Variants in SHROOM3 observed in about 807,000 individuals in gnomAD.
SHROOM3 encodes shroom family member 3.
In SHROOM3, 47 loss-of-function variants were observed where a neutral mutation model predicts 138.6. That is an observed-to-expected ratio of 0.34 (90% CI 0.27 to 0.43). The LOEUF (loss-of-function observed/expected upper bound fraction) is 0.43. Among genes scored for constraint, SHROOM3 ranks in the 20% least tolerant of loss-of-function variants. The pLI, the probability that SHROOM3 is intolerant of heterozygous loss-of-function variation, is 1.00. For synonymous variants in SHROOM3, 1,062 were observed against 1,063.3 expected, an observed-to-expected ratio of 1.00 and a Z score of 0.02; for missense variants, 2,491 against 2,596.5, an observed-to-expected ratio of 0.96 and a Z score of 0.88.
At chr4:76,438,812 A>G (rs1730612231) in intron 1 of SHROOM3, among the ~76,000 whole-genome samples, 1 of 151,944 alleles carries the variant, frequency 6.6e-6, no homozygotes, top group South Asian at 2.1e-4. Flanking sequence ...TGTTGAGTAT[A>G]TGAAAGGGCA....
intron 2 of SHROOM3, among the ~76,000 whole-genome samples, chr4:76,605,531 G>A (rs1403020054): frequency 1.3e-5 from 2 of 152,036 alleles, no homozygotes; most frequent in Non-Finnish European, 2.9e-5. Context: ...ACTTGGGTAA[G>A]CAGAAATTAA....
intron 1 of SHROOM3, among the ~76,000 whole-genome samples, chr4:76,526,642 A>T (rs1732696700): frequency 6.6e-6 from 1 of 152,192 alleles, no homozygotes; most frequent in South Asian, 2.1e-4. Context: ...TCCCTAACGT[A>T]CTGAGAGTCT....
intron 2 of SHROOM3, among the ~76,000 whole-genome samples, chr4:76,663,999 A>G (rs114860388): frequency 1.0e-3 from 152 of 152,302 alleles, no homozygotes; most frequent in African/African-American, 3.5e-3. Flanking sequence ...ACAATTTCTT[A>G]TCTGGCCTAT....
intron 2 of SHROOM3, among the ~76,000 whole-genome samples, chr4:76,636,999 T>C (rs959798433): frequency 6.6e-6 from 1 of 152,234 alleles, no homozygotes; most frequent in African/African-American, 2.4e-5. Flanking sequence ...AAATACATCA[T>C]AGGAATTTAA....
At chr4:76,624,318 G>C (rs1278249237) in intron 2 of SHROOM3, among the ~76,000 whole-genome samples, 1 of 152,136 alleles carries the variant, frequency 6.6e-6, no homozygotes, top group Non-Finnish European at 1.5e-5. Context: ...TCTGGATGCT[G>C]TGTCTGCTCT....
At chr4:76,518,192 C>A (rs1732482270) in intron 1 of SHROOM3, among the ~76,000 whole-genome samples, 1 of 152,032 alleles carries the variant, frequency 6.6e-6, no homozygotes, top group African/African-American at 2.4e-5. Flanking sequence ...CAAATTATCT[C>A]AACTTCTGAT....
At chr4:76,700,295 C>T (rs1330915183) in intron 2 of SHROOM3, among the ~76,000 whole-genome samples, 1 of 152,124 alleles carries the variant, frequency 6.6e-6, no homozygotes, top group Non-Finnish European at 1.5e-5. Context: ...CAGAAAGTCA[C>T]CTGCCTTCAA....
At chr4:76,602,041 T>G (rs1425120887) in intron 2 of SHROOM3, among the ~76,000 whole-genome samples, 1 of 152,210 alleles carries the variant, frequency 6.6e-6, no homozygotes, top group East Asian at 1.9e-4. Context: ...CGAAGTTGGT[T>G]GAGGAAATGC....
intron 6 of SHROOM3, among the ~76,000 whole-genome samples, chr4:76,750,021 T>C (rs935593386): frequency 3.3e-5 from 5 of 152,160 alleles, no homozygotes; most frequent in Admixed American, 6.5e-5. Context: ...TTCACCTTCT[T>C]AATAACACAA....
At chr4:76,602,827 A>G (rs1340232788) in intron 2 of SHROOM3, among the ~76,000 whole-genome samples, 3 of 152,172 alleles carry the variant, frequency 2.0e-5, no homozygotes, top group Non-Finnish European at 4.4e-5. Context: ...CCTTAGACAG[A>G]TCACTTTCCT....
At chr4:76,506,694 G>C (rs185914947) in intron 1 of SHROOM3, among the ~76,000 whole-genome samples, 1 of 152,236 alleles carries the variant, frequency 6.6e-6, no homozygotes, top group East Asian at 1.9e-4. Context: ...CTCCTCCCCA[G>C]TCCCATCCTA....
chr4:76,648,456 T>C (rs930034238), intron 2 of SHROOM3, among the ~76,000 whole-genome samples: 1 of 152,232 alleles, frequency 6.6e-6, no homozygotes, highest in African/African-American at 2.4e-5. Flanking sequence ...AGAGTATTTC[T>C]TTATGCCAGT....
intron 2 of SHROOM3, among the ~76,000 whole-genome samples, chr4:76,602,499 C>G (rs1194493727): frequency 7.3e-5 from 11 of 150,934 alleles, no homozygotes; most frequent in Admixed American, 6.6e-4. Flanking sequence ...CGTTAGAATT[C>G]TTTTGCTTTA....
At chr4:76,581,981 G>C (rs1276163000) in intron 2 of SHROOM3, among the ~76,000 whole-genome samples, 3 of 152,176 alleles carry the variant, frequency 2.0e-5, no homozygotes, top group Non-Finnish European at 1.5e-5. Flanking sequence ...CAGGACACCT[G>C]TTCTACCTGA....
chr4:76,700,303 C>T (rs1288988057), intron 2 of SHROOM3, among the ~76,000 whole-genome samples: 5 of 152,180 alleles, frequency 3.3e-5, no homozygotes, highest in Admixed American at 2.0e-4. Flanking sequence ...CACCTGCCTT[C>T]AAGGTTGGCT....
chr4:76,547,677 C>A (rs1447512831), intron 1 of SHROOM3, among the ~76,000 whole-genome samples: 1 of 152,096 alleles, frequency 6.6e-6, no homozygotes, highest in African/African-American at 2.4e-5. Context: ...TGCCTGTAAT[C>A]CTTGCACTTT....
rs575274168 is a variant in SHROOM3 at position 76,687,230 on chromosome 4, C to T, written c.324-22926C>T. 9.2e-5 allele frequency among the ~76,000 whole-genome samples: 14 copies of T among 152,332 alleles called. 1 individual carries two copies. Among genetic ancestry groups the T allele is most frequent in the African/African-American group, 3.4e-4 (14 of 41,582 alleles). On this transcript the variant is annotated intron_variant, in intron 2 of 10. Coordinates refer to ENST00000296043, the MANE Select transcript of SHROOM3 (RefSeq NM_020859.4). ...CACACCCTTTCTAAGACAGGCTGTG[C>T]ACCTTTTTCCTATGTGTAACTTTCT...
At chr4:76,715,336 T>C (rs1720341947) in intron 3 of SHROOM3, among the ~76,000 whole-genome samples, 1 of 152,220 alleles carries the variant, frequency 6.6e-6, no homozygotes, top group African/African-American at 2.4e-5. Flanking sequence ...GAGACACTTT[T>C]AGTGGTCCAG....
chr4:76,501,175 G>C (rs1732084193), intron 1 of SHROOM3, among the ~76,000 whole-genome samples: 1 of 152,036 alleles, frequency 6.6e-6, no homozygotes, highest in Admixed American at 6.6e-5. Flanking sequence ...GTTATTTATA[G>C]ATTATGAGTA....
Sources: gnomAD v4.1 joint callset for allele counts (sites outside exome capture counted in the v4.1 genomes callset) on GRCh38, gnomAD v4.1.1 for gene constraint, MANE v1.5 for transcripts, NCBI Gene and HGNC (gene_info 2026-07-23, HGNC 2026-07-21) for gene names.